Variants in MCC observed in about 807,000 individuals in gnomAD.
MCC encodes the protein MCC regulator of Wnt signaling pathway.
In MCC, 90 loss-of-function variants were observed where a neutral mutation model predicts 116.2. That is an observed-to-expected ratio of 0.77 (90% confidence interval 0.65 to 0.92). MCC has a LOEUF of 0.92. Among genes scored for constraint, MCC ranks in the 40% least tolerant of loss-of-function variants. The pLI is 0.00. For missense variants in MCC, 1,516 were observed against 1,312.2 expected (o/e 1.16, Z -2.40); for synonymous variants, 578 against 510.5 (o/e 1.13, Z -1.78).
At chr5:113,089,400 C>T (rs1431180832) in intron 8 of MCC, among the ~76,000 whole-genome samples, 1 of 152,160 alleles carries the variant, frequency 6.6e-6, no homozygotes, top group East Asian at 1.9e-4. Context: ...GGTATTTCTT[C>T]AAGGGTTTTG....
intron 11 of MCC, among the ~76,000 whole-genome samples, chr5:113,075,721 C>T (rs966195002): frequency 6.6e-6 from 1 of 152,202 alleles, no homozygotes; most frequent in Admixed American, 6.5e-5. Context: ...AGCAGGCTGC[C>T]CGAGCCAGCA....
At chr5:113,407,080 GA>G (rs996963035) in intron 1 of MCC, among the ~76,000 whole-genome samples, 3 of 151,964 alleles carry the variant, frequency 2.0e-5, no homozygotes, top group African/African-American at 4.8e-5. Context: ...TAAAAAGGCA[GA>G]AAAAAAATTG....
intron 14 of MCC, among the ~76,000 whole-genome samples, chr5:113,061,803 A>G (rs931885830): frequency 7.9e-5 from 12 of 152,098 alleles, no homozygotes; most frequent in African/African-American, 2.9e-4. Context: ...CAGCGGGGGG[A>G]AAGGAGATTT....
chr5:113,265,839 A>C (rs1482188803), intron 3 of MCC, among the ~76,000 whole-genome samples: 1 of 152,160 alleles, frequency 6.6e-6, no homozygotes, highest in Non-Finnish European at 1.5e-5. Context: ...AATGCCCGGG[A>C]GACAGGTCAA....
In MCC at chr5:113,049,139, C is replaced by T. The variant is rs367848138; in HGVS notation, c.2609G>A (p.Arg870Gln). 5.0e-6 allele frequency: 8 copies of T among 1,614,218 alleles called. No individual in the cohort carries two copies. The highest frequency in any genetic ancestry group is 2.2e-5 in the East Asian group (1 of 44,888). The change falls in exon 16 of 19, where the codon CGA becomes CAA. Residue 870 changes from arginine to glutamine, a missense_variant. Transcript: ENST00000408903. ...EVEEQKEQRM[R>Q]SLSSTSSGSK... ...GCCGCTGCTGGTGGAGCTGAGGGAT[C>T]GCATCCGCTGCTCCTTCTGCTCCTC... is the stretch of plus-strand genomic sequence containing the variant.
At position 113,434,976 on chromosome 5, in the gene MCC, C is replaced by A; in HGVS notation, c.171-49764G>T. On this transcript the variant is annotated intron_variant, in intron 1 of 18. Coordinates refer to ENST00000408903, the MANE Select transcript of MCC (RefSeq NM_001085377.2). This position sits in a 1 kb window ranked among gnomAD's most constrained non-coding sequence, Gnocchi z 4.2. ...CCTGCTGTTCCTGCCTCCTAGAGGCCAAGACTCTGGAGTGGAACATTTGGC... is the reference window on the plus strand; with the variant it reads ...CCTGCTGTTCCTGCCTCCTAGAGGCAAAGACTCTGGAGTGGAACATTTGGC... The A allele has an allele frequency of 9.3e-7, 1 of 1,070,420 alleles. No homozygotes were observed. Among genetic ancestry groups the A allele is most frequent in the Non-Finnish European group, 1.3e-6 (1 of 751,754 alleles). The allele number at this position is 1,070,420 out of a possible 1,614,324, so 66.3% of individuals were successfully genotyped here.
intron 3 of MCC, among the ~76,000 whole-genome samples, chr5:113,222,873 G>A (rs1763602090): frequency 6.6e-6 from 1 of 152,142 alleles, no homozygotes; most frequent in African/African-American, 2.4e-5. Flanking sequence ...CCTGGGGTAG[G>A]ATGTAGGAGT....
At chr5:113,437,406 TG>T (rs1319809911) in intron 1 of MCC, among the ~76,000 whole-genome samples, 3 of 152,226 alleles carry the variant, frequency 2.0e-5, no homozygotes, top group African/African-American at 7.2e-5. Flanking sequence ...TTTCCTCCAT[TG>T]CTCCTTTACC....
At chr5:113,121,568 T>G (rs1329769145) in intron 6 of MCC, among the ~76,000 whole-genome samples, 1 of 152,226 alleles carries the variant, frequency 6.6e-6, no homozygotes, top group Non-Finnish European at 1.5e-5. Flanking sequence ...AGAGGAAGCC[T>G]TCTTGTAACC....
intron 2 of MCC, among the ~76,000 whole-genome samples, chr5:113,366,257 T>C (rs1157950513): frequency 1.3e-5 from 2 of 152,178 alleles, no homozygotes; most frequent in Non-Finnish European, 2.9e-5. Context: ...TTAGATTTTC[T>C]TTCTGGACAC....
chr5:113,046,934 C>T (rs915220980), intron 16 of MCC, among the ~76,000 whole-genome samples: 5 of 152,060 alleles, frequency 3.3e-5, no homozygotes, highest in South Asian at 4.2e-4. Flanking sequence ...TCCATGATTC[C>T]GCACGGCCCT....
intron 3 of MCC, among the ~76,000 whole-genome samples, chr5:113,232,177 A>G (rs1763961780): frequency 6.6e-6 from 1 of 152,192 alleles, no homozygotes; most frequent in Non-Finnish European, 1.5e-5. Context: ...CTCCAGGGGA[A>G]AAAAGAACAA....
intron 1 of MCC, among the ~76,000 whole-genome samples, chr5:113,405,282 G>A (rs1175532675): frequency 3.3e-5 from 5 of 152,192 alleles, no homozygotes; most frequent in African/African-American, 1.2e-4. Flanking sequence ...ACTTGGCCTT[G>A]ACAGTAGTTC....
At chr5:113,041,200 C>T (rs1751685442) in intron 17 of MCC, among the ~76,000 whole-genome samples, 1 of 152,154 alleles carries the variant, frequency 6.6e-6, no homozygotes, top group African/African-American at 2.4e-5. Flanking sequence ...TGAAGTTCCC[C>T]ACAAGGCAAC....
intron 1 of MCC, among the ~76,000 whole-genome samples, chr5:113,473,896 A>C (rs141159007): frequency 7.9e-4 from 120 of 152,306 alleles, no homozygotes; most frequent in African/African-American, 2.6e-3. Flanking sequence ...ATCCATAAAA[A>C]TCAAAGTATT....
chr5:113,176,447 C>T (rs539839185), intron 3 of MCC, among the ~76,000 whole-genome samples: 4 of 152,320 alleles, frequency 2.6e-5, no homozygotes, highest in African/African-American at 7.2e-5. Flanking sequence ...CAGGAAAAGA[C>T]ATCTACTATT....
intron 6 of MCC, among the ~76,000 whole-genome samples, chr5:113,113,090 T>C (rs570919624): frequency 6.6e-6 from 1 of 152,354 alleles, no homozygotes; most frequent in Admixed American, 6.5e-5. Flanking sequence ...TGCCACCTTC[T>C]GAGGGCCAGC....
At position 113,482,706 on chromosome 5, in the gene MCC, T is replaced by C. The variant is rs568409358; in HGVS notation, c.170+5539A>G. Reference sequence around the variant, plus strand: ...ATTTTCTCCCATTCTGCAGGTTGTCTTTCACTCTTTTGATAGTGTTTTTTG... The same window carrying C: ...ATTTTCTCCCATTCTGCAGGTTGTCCTTCACTCTTTTGATAGTGTTTTTTG... On this transcript the variant is annotated intron_variant, in intron 1 of 18. Transcript: ENST00000408903. 1.8e-4 allele frequency among the ~76,000 whole-genome samples: 28 copies of C among 152,328 alleles called. No individual in the cohort carries two copies. The South Asian group carries it at 2.3e-3, about 12-fold the overall frequency.
intron 3 of MCC, among the ~76,000 whole-genome samples, chr5:113,215,708 C>T (rs868496295): frequency 1.8e-4 from 27 of 152,244 alleles, no homozygotes; most frequent in Middle Eastern, 3.4e-3. Flanking sequence ...AGCCTGCCGG[C>T]GCAATGATCT....
Sources: allele counts gnomAD v4.1 joint callset (sites outside exome capture counted in the v4.1 genomes callset), GRCh38; gene constraint gnomAD v4.1.1; non-coding constraint Gnocchi (gnomAD v3.1); transcripts MANE v1.5; gene names NCBI Gene and HGNC (gene_info 2026-07-23, HGNC 2026-07-21).